Variants in CREB5 observed in about 807,000 individuals in gnomAD.
CREB5 encodes the protein cAMP responsive element binding protein 5.
CREB5 carries 19 observed loss-of-function variants against 57.1 expected under a neutral mutation model. That is an observed-to-expected ratio of 0.33 (90% confidence interval 0.23 to 0.49). CREB5 has a LOEUF of 0.49. Among genes scored for constraint, CREB5 ranks in the 20% least tolerant of loss-of-function variants. The pLI, the probability that CREB5 is intolerant of heterozygous loss-of-function variation, is 0.99. For synonymous variants in CREB5, 238 were observed against 238.3 expected (o/e 1.00, Z 0.01); for missense variants, 579 against 671.6 (o/e 0.86, Z 1.52).
chr7:28,580,180 C>T (rs1000165855), intron 5 of CREB5, among the ~76,000 whole-genome samples: 11 of 152,000 alleles, frequency 7.2e-5, no homozygotes, highest in African/African-American at 2.7e-4. Context: ...CCTATAGATG[C>T]CTACTCCAAA....
intron 5 of CREB5, among the ~76,000 whole-genome samples, chr7:28,605,452 G>A (rs1003343931): frequency 2.0e-5 from 3 of 152,136 alleles, no homozygotes; most frequent in African/African-American, 7.2e-5. Context: ...AGGACTGTGT[G>A]GAAAAGAGTA....
At chr7:28,628,177 C>G (rs1289587978) in intron 5 of CREB5, among the ~76,000 whole-genome samples, 2 of 151,864 alleles carry the variant, frequency 1.3e-5, no homozygotes, top group East Asian at 3.9e-4. Context: ...AGGAATGGCT[C>G]TCATATCTCT....
chr7:28,718,774 T>A lies in CREB5; in HGVS notation c.486T>A (p.Ser162=). 6.2e-7 allele frequency: 1 copy of A among 1,614,044 alleles called. No individual in the cohort carries two copies. The highest frequency in any genetic ancestry group is 8.5e-7 in the Non-Finnish European group (1 of 1,179,946). ...RQIGPVPGSL[S]SLLHLHNRQR... is the part of the protein sequence containing the mutation. Reference sequence around the variant, plus strand: ...CCAGGCCTGTCCCAGGCTCTCTATCTTCTCTGCTACATCTCCACAACAGAC... The same window carrying A: ...CCAGGCCTGTCCCAGGCTCTCTATCATCTCTGCTACATCTCCACAACAGAC... Residue 162 remains serine, a synonymous_variant, in exon 6 of 11, where the codon TCT becomes TCA. Coordinates refer to ENST00000357727, the MANE Select transcript of CREB5 (RefSeq NM_182898.4).
chr7:28,366,098 C>T (rs764684076), intron 1 of CREB5, among the ~76,000 whole-genome samples: 2 of 152,024 alleles, frequency 1.3e-5, no homozygotes, highest in Non-Finnish European at 2.9e-5. Context: ...ACATTGTTTC[C>T]TTTTTCCTTA....
At chr7:28,492,304 G>T (rs960173047) in intron 2 of CREB5, among the ~76,000 whole-genome samples, 4 of 152,224 alleles carry the variant, frequency 2.6e-5, no homozygotes, top group Non-Finnish European at 5.9e-5. Context: ...CCACGTGGGA[G>T]ATTTTTTATG....
intron 1 of CREB5, among the ~76,000 whole-genome samples, chr7:28,308,253 T>A (rs948740779): frequency 2.0e-5 from 3 of 152,244 alleles, no homozygotes; most frequent in East Asian, 1.9e-4. Flanking sequence ...ACAGTCTTTA[T>A]ATGGCTTAGT....
rs559059921 is a variant in CREB5, at chr7:28,449,731, C to T, written c.3+36814C>T. Among the ~76,000 whole-genome samples, 11 of 152,356 alleles carry T rather than the reference C, an allele frequency of 7.2e-5. No homozygotes were observed. The East Asian group carries it at 2.1e-3, about 29-fold the overall frequency. ...TTCTCTGGGGGACCTGAGGTCGTAA[C>T]TCAAGGGCCTCTCAAAGAAGAATAT... On this transcript the variant is annotated intron_variant, in intron 1 of 10. Transcript: ENST00000357727.
intron 5 of CREB5, among the ~76,000 whole-genome samples, chr7:28,630,595 C>G (rs1037137753): frequency 1.3e-5 from 2 of 152,080 alleles, no homozygotes; most frequent in Non-Finnish European, 2.9e-5. Context: ...TGTGGCTGCT[C>G]AAAACTATAG....
In CREB5 at chr7:28,447,423, G is replaced by GA. The variant is rs1436490043; in HGVS notation, c.3+34507dup. On this transcript the variant is annotated intron_variant, in intron 1 of 10. Transcript: ENST00000357727. ...TTTCTTCATTTGGTAGCTGCACACC[G>GA]ACGGGGGAGTGGGTGACGGAATTTG... is the stretch of plus-strand genomic sequence containing the variant. Among the ~76,000 whole-genome samples the GA allele has an allele frequency of 3.9e-5, 6 of 152,280 alleles. No individual in the cohort carries two copies. In the South Asian group the frequency reaches 6.2e-4, roughly 16 times the overall value.
At chr7:28,658,990 A>ATATATATATATGTGTGT (rs1562554757) in intron 5 of CREB5, among the ~76,000 whole-genome samples, 2 of 65,194 alleles carry the variant, frequency 3.1e-5, no homozygotes, top group African/African-American at 1.0e-4. Flanking sequence ...TGTATATATA[A>ATATATATATATGTGTGT]GTCATAATTT....
intron 5 of CREB5, among the ~76,000 whole-genome samples, chr7:28,698,293 T>C (rs1801675404): frequency 6.6e-6 from 1 of 150,720 alleles, no homozygotes; most frequent in African/African-American, 2.4e-5. Context: ...CTGCGGGACT[T>C]AGCCATTTTC....
At chr7:28,444,019 A>C (rs1383767507) in intron 1 of CREB5, among the ~76,000 whole-genome samples, 1 of 152,186 alleles carries the variant, frequency 6.6e-6, no homozygotes, top group Non-Finnish European at 1.5e-5. Context: ...AACATAAAAA[A>C]TTTTGTAATG....
chr7:28,652,662 A>G (rs746763816), intron 5 of CREB5, among the ~76,000 whole-genome samples: 2 of 152,252 alleles, frequency 1.3e-5, no homozygotes, highest in Non-Finnish European at 2.9e-5. Flanking sequence ...GAGAGATTGC[A>G]TGCAAAATGC....
Position 28,750,532 on chromosome 7 carries a change from C to T in CREB5, c.702+26200C>T, listed in dbSNP as rs990312845. 2.5e-4 allele frequency among the ~76,000 whole-genome samples: 38 copies of T among 152,098 alleles called. 1 individual carries two copies. Among genetic ancestry groups the T allele is most frequent in the Admixed American group, 7.9e-4 (12 of 15,264 alleles). ...GGCCCCATATACAAATCATTTTTAA[C>T]CTCTACTATAGATATGTGATACACA... On this transcript the variant is annotated intron_variant, in intron 7 of 10. Coordinates refer to ENST00000357727, the MANE Select transcript of CREB5 (RefSeq NM_182898.4).
chr7:28,689,026 C>T lies in CREB5; in HGVS notation c.465-29727C>T, dbSNP rs76379032. Among the ~76,000 whole-genome samples, 367 of 152,244 alleles carry T rather than the reference C, an allele frequency of 2.4e-3. 1 individual carries two copies. The highest frequency in any genetic ancestry group is 8.4e-3 in the African/African-American group (349 of 41,546). ...AGGTTGCACTTACATGATCTCAGCT[C>T]ATTACACTTACCCACGGTAACCCAG... On this transcript the variant is annotated intron_variant, in intron 5 of 10. Coordinates refer to ENST00000357727, the MANE Select transcript of CREB5 (RefSeq NM_182898.4).
rs1791961328 is a variant in CREB5, at chr7:28,494,910, T to C, written c.80T>C (p.Phe27Ser). 6.3e-7 allele frequency: 1 copy of C among 1,592,328 alleles called. No homozygotes were observed. The highest frequency in any genetic ancestry group is 8.5e-7 in the Non-Finnish European group (1 of 1,174,342). The change falls in exon 3 of 11, where the codon TTC becomes TCC. Residue 27 changes from phenylalanine to serine, a missense_variant. This residue lies in a region of CREB5 where 459 missense variants were observed against 515.7 expected (regional missense o/e 0.89). Transcript: ENST00000357727. ...TTTTTTTTATTCGTCCGACAGCGCT[T>C]CCCAACAGAGGACCATCTGATGATT... ...VCSAPGCSQR[F>S]PTEDHLMIHR...
chr7:28,393,168 C>G (rs138819293), intron 1 of CREB5, among the ~76,000 whole-genome samples: 101 of 152,306 alleles, frequency 6.6e-4, no homozygotes, highest in African/African-American at 2.3e-3. Context: ...CTCAGGTGAT[C>G]CACCCACCTT....
At chr7:28,347,994 G>A (rs1036470247) in intron 1 of CREB5, among the ~76,000 whole-genome samples, 5 of 152,092 alleles carry the variant, frequency 3.3e-5, no homozygotes, top group South Asian at 2.1e-4. Flanking sequence ...TCCTGGAACC[G>A]GTGCCCTGGC....
At chr7:28,591,238 T>C (rs1438492148) in intron 5 of CREB5, among the ~76,000 whole-genome samples, 1 of 152,196 alleles carries the variant, frequency 6.6e-6, no homozygotes, top group Non-Finnish European at 1.5e-5. Flanking sequence ...TCTTCCTTTG[T>C]AGCTTGAAGT....
Sources: allele counts gnomAD v4.1 joint callset (sites outside exome capture counted in the v4.1 genomes callset), GRCh38; gene constraint gnomAD v4.1.1; regional missense constraint gnomAD v4.1.1; transcripts MANE v1.5; gene names NCBI Gene and HGNC (gene_info 2026-07-23, HGNC 2026-07-21).